SLC24A3: variants seen among roughly 807,000 people sequenced by gnomAD.
SLC24A3 encodes the protein sodium/potassium/calcium exchanger 3.
In SLC24A3, 28 loss-of-function variants were observed where a neutral mutation model predicts 75.8. The ratio of observed to expected loss-of-function variants is 0.37; its 90% CI spans 0.27 to 0.51. SLC24A3 has a LOEUF of 0.51. Among genes scored for constraint, SLC24A3 ranks in the 20% least tolerant of loss-of-function variants. The pLI is 0.94. For synonymous variants in SLC24A3, 372 were observed against 334.1 expected, an observed-to-expected ratio of 1.11 and a Z score of -1.24; for missense variants, 663 against 847.8, an observed-to-expected ratio of 0.78 and a Z score of 2.71.
intron 6 of SLC24A3, among the ~76,000 whole-genome samples, chr20:19,609,260 A>G (rs1466422294): frequency 1.3e-5 from 2 of 152,068 alleles, no homozygotes; most frequent in East Asian, 3.8e-4. Flanking sequence ...GGGAAATTAC[A>G]CCAAGGAACA....
At position 19,346,091 on chromosome 20, in the gene SLC24A3, A is replaced by G. The variant is rs1329350895; in HGVS notation, c.271+65004A>G. Among the ~76,000 whole-genome samples, 17 of 71,624 alleles carry G rather than the reference A, an allele frequency of 2.4e-4. 2 individuals carry two copies. Among genetic ancestry groups the G allele is most frequent in the African/African-American group, 1.8e-3 (15 of 8,236 alleles). The allele number at this position is 71,624 out of a possible 152,430, so 47.0% of individuals were successfully genotyped here. The stretch of plus-strand genomic sequence containing the variant: ...TATATATATATATATATATATATAT[A>G]TATATATATATATATATGGTGTGTG... On this transcript the variant is annotated intron_variant, in intron 2 of 16. Coordinates refer to ENST00000328041, the MANE Select transcript of SLC24A3 (RefSeq NM_020689.4).
At chr20:19,630,663 G>A (rs952409184) in intron 6 of SLC24A3, among the ~76,000 whole-genome samples, 14 of 152,182 alleles carry the variant, frequency 9.2e-5, no homozygotes, top group African/African-American at 2.9e-4. Context: ...AATTGACTCA[G>A]CAATATATAA....
intron 15 of SLC24A3, among the ~76,000 whole-genome samples, chr20:19,711,423 CACAT>C (rs2032990985): frequency 6.6e-6 from 1 of 152,150 alleles, no homozygotes; most frequent in South Asian, 2.1e-4. Flanking sequence ...AATGCACACA[CACAT>C]GCAAACACAT....
At chr20:19,400,108 A>C (rs1298018595) in intron 2 of SLC24A3, among the ~76,000 whole-genome samples, 1 of 152,094 alleles carries the variant, frequency 6.6e-6, no homozygotes, top group East Asian at 1.9e-4. Flanking sequence ...ATCTGTGTCC[A>C]TTCTTGGTTA....
At chr20:19,496,112 G>A (rs189701892) in intron 2 of SLC24A3, among the ~76,000 whole-genome samples, 1 of 152,156 alleles carries the variant, frequency 6.6e-6, no homozygotes, top group East Asian at 1.9e-4. Flanking sequence ...GCTCCCTTTG[G>A]CTGGCACAGG....
intron 2 of SLC24A3, among the ~76,000 whole-genome samples, chr20:19,282,415 A>T (rs1229981789): frequency 6.6e-6 from 1 of 152,228 alleles, no homozygotes; most frequent in African/African-American, 2.4e-5. Flanking sequence ...TTTTCACTTG[A>T]AAGTGAAGCA....
intron 2 of SLC24A3, among the ~76,000 whole-genome samples, chr20:19,313,304 G>A (rs1984506139): frequency 6.6e-6 from 1 of 152,054 alleles, no homozygotes; most frequent in Admixed American, 6.5e-5. Context: ...CAAAGTGCTG[G>A]GATTACAGGC....
chr20:19,360,953 A>C (rs1458801358), intron 2 of SLC24A3, among the ~76,000 whole-genome samples: 9 of 152,026 alleles, frequency 5.9e-5, no homozygotes, highest in Non-Finnish European at 1.3e-4. Flanking sequence ...CAGCCTCCCG[A>C]GTAGCTGGGA....
intron 2 of SLC24A3, among the ~76,000 whole-genome samples, chr20:19,318,306 G>T (rs1346424978): frequency 1.3e-5 from 2 of 152,210 alleles, no homozygotes; most frequent in Admixed American, 6.5e-5. Flanking sequence ...TCTGTTCAGT[G>T]GGATTGAAAG....
intron 1 of SLC24A3, among the ~76,000 whole-genome samples, chr20:19,275,059 C>T (rs1012550162): frequency 2.0e-5 from 3 of 152,216 alleles, no homozygotes; most frequent in African/African-American, 7.2e-5. Context: ...GAGGCTGTTG[C>T]CATGGCCCTC....
chr20:19,565,087 G>C (rs2030933795), intron 3 of SLC24A3, among the ~76,000 whole-genome samples: 1 of 152,166 alleles, frequency 6.6e-6, no homozygotes, highest in Admixed American at 6.5e-5. Flanking sequence ...ATTACATCGT[G>C]TGCCAACACA....
rs371417072 is a variant in SLC24A3 at position 19,447,871 on chromosome 20, G to A, written c.272-67617G>A. Among the ~76,000 whole-genome samples, 6 of 152,212 alleles carry A rather than the reference G, an allele frequency of 3.9e-5. No homozygotes were observed. The East Asian group carries it at 1.2e-3, about 29-fold the overall frequency. On this transcript the variant is annotated intron_variant, in intron 2 of 16. Transcript: ENST00000328041. ...CTTAATCCACCTTCAGATCTCCAGT[G>A]GTTATCACAGAGTGGGTACTTCGTG... is the stretch of plus-strand genomic sequence containing the variant.
Position 19,346,128 on chromosome 20 carries a change from ATATATATATGGTGTGTG to A in SLC24A3, c.271+65051_271+65067del, listed in dbSNP as rs1568595663. 3.5e-3 allele frequency among the ~76,000 whole-genome samples: 351 copies of A among 101,496 alleles called. 64 individuals carry two copies. Among genetic ancestry groups the A allele is most frequent in the East Asian group, 0.025 (93 of 3,690 alleles). The allele number at this position is 101,496 out of a possible 152,430, so 66.6% of individuals were successfully genotyped here. A position where few individuals can be genotyped will look rare whatever the true frequency, so the allele number is the denominator to read the frequency against. On this transcript the variant is annotated intron_variant, in intron 2 of 16. Transcript: ENST00000328041. ...ATATATGGTGTGTGTGTGTGTGTATATATATATATGGTGTGTGTATATATATATGGTGTATATATATG... is the reference window on the plus strand; with the variant it reads ...ATATATGGTGTGTGTGTGTGTGTATATATATATATATGGTGTATATATATG...
At chr20:19,285,807 G>A (rs965831383) in intron 2 of SLC24A3, among the ~76,000 whole-genome samples, 3 of 151,966 alleles carry the variant, frequency 2.0e-5, no homozygotes, top group Non-Finnish European at 2.9e-5. Flanking sequence ...GGAAAATTAA[G>A]TTAGCTAAAT....
intron 2 of SLC24A3, among the ~76,000 whole-genome samples, chr20:19,487,128 T>A (rs755362395): frequency 5.9e-5 from 9 of 152,224 alleles, no homozygotes; most frequent in Non-Finnish European, 1.2e-4. Context: ...ATGTGGAGTG[T>A]CAGCTGTACC....
At chr20:19,296,491 T>C (rs1984063611) in intron 2 of SLC24A3, among the ~76,000 whole-genome samples, 1 of 152,140 alleles carries the variant, frequency 6.6e-6, no homozygotes, top group African/African-American at 2.4e-5. Flanking sequence ...CATTTAGTGT[T>C]ATATATTTCC....
intron 15 of SLC24A3, among the ~76,000 whole-genome samples, chr20:19,710,461 C>G (rs1166089891): frequency 1.3e-5 from 2 of 152,142 alleles, no homozygotes; most frequent in East Asian, 3.9e-4. Context: ...CAACAACTGC[C>G]AAGAGGGAAT....
At position 19,298,766 on chromosome 20, in the gene SLC24A3, T is replaced by C. The variant is rs575598938; in HGVS notation, c.271+17679T>C. 3.0e-4 allele frequency among the ~76,000 whole-genome samples: 45 copies of C among 152,330 alleles called. No individual in the cohort carries two copies. In the East Asian group the frequency reaches 8.3e-3, roughly 28 times the overall value. On this transcript the variant is annotated intron_variant, in intron 2 of 16. Transcript: ENST00000328041. ...AAATCAATGAAATAGTTGGTATCAT[T>C]CCCAGTTACCACTGTGAGCAACTCA...
chr20:19,551,295 G>A (rs183228069), intron 3 of SLC24A3, among the ~76,000 whole-genome samples: 1 of 152,316 alleles, frequency 6.6e-6, no homozygotes, highest in Non-Finnish European at 1.5e-5. Context: ...TTGAAGTTGA[G>A]GAAGGTACAG....
Sources: allele counts gnomAD v4.1 joint callset (sites outside exome capture counted in the v4.1 genomes callset), GRCh38; gene constraint gnomAD v4.1.1; transcripts MANE v1.5; gene names NCBI Gene and HGNC (gene_info 2026-07-23, HGNC 2026-07-21).